CERS3: variants seen among roughly 807,000 people sequenced by gnomAD.
The protein encoded by CERS3 is ceramide synthase 3.
In CERS3, 33 loss-of-function variants were observed where a neutral mutation model predicts 50.3. The observed-to-expected ratio is 0.66, with a 90% CI of 0.50 to 0.88. The LOEUF (loss-of-function observed/expected upper bound fraction) is 0.88, where lower values mean the gene tolerates loss of function less well. Ranked by LOEUF, CERS3 falls within the 40% of genes least tolerant of loss-of-function variation. CERS3 has a pLI of 0.00. For missense variants in CERS3, 470 were observed against 460.3 expected, an observed-to-expected ratio of 1.02 and a Z score of -0.19; for synonymous variants, 176 against 155.2, an observed-to-expected ratio of 1.13 and a Z score of -0.99.
At chr15:100,485,033 A>G (rs1301608852) in intron 4 of CERS3, among the ~76,000 whole-genome samples, 1 of 152,090 alleles carries the variant, frequency 6.6e-6, no homozygotes, top group Non-Finnish European at 1.5e-5. Flanking sequence ...ATAAAATCCA[A>G]TCTCCTCATT....
chr15:100,543,778 C>A (rs566049867), intron 1 of CERS3, among the ~76,000 whole-genome samples: 2 of 152,278 alleles, frequency 1.3e-5, no homozygotes, highest in Non-Finnish European at 2.9e-5. Context: ...GATTCGCCCA[C>A]CTTGGCCTCT....
chr15:100,412,113 T>A (rs2031537220), intron 11 of CERS3, among the ~76,000 whole-genome samples: 1 of 152,216 alleles, frequency 6.6e-6, no homozygotes, highest in South Asian at 2.1e-4. Context: ...GTTTTAAATT[T>A]TCATGAAGTC....
intron 11 of CERS3, among the ~76,000 whole-genome samples, chr15:100,404,793 G>A (rs972598381): frequency 6.6e-6 from 1 of 152,168 alleles, no homozygotes; most frequent in African/African-American, 2.4e-5. Context: ...CAGTGGAACA[G>A]AATGGAGGCT....
At position 100,412,292 on chromosome 15, in the gene CERS3, A is replaced by C. The variant is rs536046512; in HGVS notation, c.1000-9427T>G. ...TTCATTCTTTTGCATGTGGATATTCAGTTTTCCCAGCACCATTTGTCGAAA... is the reference window on the plus strand; with the variant it reads ...TTCATTCTTTTGCATGTGGATATTCCGTTTTCCCAGCACCATTTGTCGAAA... On this transcript the variant is annotated intron_variant, in intron 11 of 11. Transcript: ENST00000679737. 6.4e-4 allele frequency among the ~76,000 whole-genome samples: 98 copies of C among 152,198 alleles called. 1 individual carries two copies. Among genetic ancestry groups the C allele is most frequent in the African/African-American group, 2.3e-3 (96 of 41,528 alleles).
At position 100,539,673 on chromosome 15, in the gene CERS3, CAT is replaced by C. The variant is rs148420234; in HGVS notation, c.-355+4976_-355+4977del. On this transcript the variant is annotated intron_variant, in intron 1 of 12. Coordinates refer to the CERS3 transcript ENST00000284382. ...CTTCTACCTGGTCTTTCCCTCGACA[CAT>C]GTGGATTATGGGGATTATAATTTAA... is the stretch of plus-strand genomic sequence containing the variant. 3.3e-3 allele frequency among the ~76,000 whole-genome samples: 508 copies of C among 152,306 alleles called. 2 individuals carry two copies. The highest frequency in any genetic ancestry group is 0.011 in the African/African-American group (475 of 41,556).
intron 4 of CERS3, among the ~76,000 whole-genome samples, chr15:100,488,171 TA>T (rs1370573145): frequency 2.0e-5 from 3 of 152,292 alleles, no homozygotes; most frequent in African/African-American, 7.2e-5. Flanking sequence ...CTCATGTGTA[TA>T]GTATTTTAGG....
intron 11 of CERS3, among the ~76,000 whole-genome samples, chr15:100,450,483 G>T (rs1253439332): frequency 1.3e-5 from 2 of 150,528 alleles, no homozygotes; most frequent in African/African-American, 4.9e-5. Context: ...TTGAAGACAG[G>T]TCTTTTGAAA....
At chr15:100,425,885 G>C (rs1055305821) in intron 11 of CERS3, 6 of 142,196 alleles carry the variant, frequency 4.2e-5, no homozygotes, top group Non-Finnish European at 7.9e-5. Context: ...GATCAAGGGG[G>C]TGGATTTACC....
chr15:100,471,389 C>T (rs1182427384), intron 9 of CERS3, among the ~76,000 whole-genome samples: 1 of 152,140 alleles, frequency 6.6e-6, no homozygotes, highest in East Asian at 1.9e-4. Context: ...CTTAGGGAAT[C>T]ATGTCACATC....
chr15:100,472,444 G>A (rs998293817), intron 9 of CERS3, among the ~76,000 whole-genome samples: 27 of 151,314 alleles, frequency 1.8e-4, no homozygotes, highest in Non-Finnish European at 2.2e-4. Context: ...CTTAGAAAAT[G>A]AGGGCCTTAA....
At chr15:100,480,425 A>T (rs1169382634) in intron 5 of CERS3, among the ~76,000 whole-genome samples, 1 of 152,212 alleles carries the variant, frequency 6.6e-6, no homozygotes, top group Non-Finnish European at 1.5e-5. Flanking sequence ...ATCAGGAAGG[A>T]ACCTAATAAG....
chr15:100,405,402 T>C (rs1226115306), intron 11 of CERS3, among the ~76,000 whole-genome samples: 1 of 152,134 alleles, frequency 6.6e-6, no homozygotes, highest in Non-Finnish European at 1.5e-5. Flanking sequence ...GATGTACAAC[T>C]ACAAACCCAT....
In CERS3 at chr15:100,402,565, A is replaced by C; in HGVS notation, c.*148T>G. The C allele has an allele frequency of 1.4e-6, 1 of 717,912 alleles. No individual in the cohort carries two copies. Among genetic ancestry groups the C allele is most frequent in the South Asian group, 1.9e-5 (1 of 51,672 alleles). 44.5% of individuals were successfully genotyped at this position (717,912 alleles called of 1,614,324 possible). ...TTTAACATTTTAACACAAGTTAACA[A>C]CATTTTGGTAAACACATCTTAGGTG... On this transcript the variant is annotated 3_prime_UTR_variant, in exon 12 of 12. Transcript: ENST00000679737.
chr15:100,507,316 T>C (rs2036214171), intron 2 of CERS3, among the ~76,000 whole-genome samples: 1 of 152,206 alleles, frequency 6.6e-6, no homozygotes, highest in Non-Finnish European at 1.5e-5. Context: ...TAAGCCAATA[T>C]TTCAGCTCTA....
intron 3 of CERS3, among the ~76,000 whole-genome samples, chr15:100,497,870 CACACACACACACACACACACACACACTT>C (rs2035869054): frequency 3.9e-5 from 3 of 76,000 alleles, no homozygotes; most frequent in African/African-American, 4.4e-5. Flanking sequence ...CACACACACA[CACACACACACACACACACACACACACTT>C]TTTTTTTTTT....
At chr15:100,504,160 C>T (rs1222433929) in intron 2 of CERS3, among the ~76,000 whole-genome samples, 3 of 151,694 alleles carry the variant, frequency 2.0e-5, no homozygotes, top group East Asian at 3.9e-4. Flanking sequence ...ACCCACCATT[C>T]GGAGAAGTGC....
chr15:100,520,894 G>A (rs1473886740), intron 2 of CERS3, among the ~76,000 whole-genome samples: 2 of 152,124 alleles, frequency 1.3e-5, no homozygotes, highest in East Asian at 1.9e-4. Flanking sequence ...GGTCAAAACC[G>A]GGAATAATAA....
At chr15:100,475,098 C>T (rs1402195782) in intron 8 of CERS3, among the ~76,000 whole-genome samples, 1 of 152,166 alleles carries the variant, frequency 6.6e-6, no homozygotes, top group Admixed American at 6.5e-5. Flanking sequence ...ATTTTCAATT[C>T]TATCCCTGGA....
upstream of CERS3, among the ~76,000 whole-genome samples, chr15:100,531,019 G>C (rs1012164683): frequency 1.3e-5 from 2 of 152,102 alleles, no homozygotes; most frequent in African/African-American, 2.4e-5. Flanking sequence ...AGGAGACAGA[G>C]GTTACAATGA....
Sources: gnomAD v4.1 joint callset for allele counts (sites outside exome capture counted in the v4.1 genomes callset) on GRCh38, gnomAD v4.1.1 for gene constraint, MANE v1.5 for transcripts, NCBI Gene and HGNC (gene_info 2026-07-23, HGNC 2026-07-21) for gene names.